Variants in FRMPD4 observed in about 807,000 individuals in gnomAD.
FRMPD4 encodes FERM and PDZ domain-containing protein 4.
In FRMPD4, 22 loss-of-function variants were observed where a neutral mutation model predicts 94.1. That is an observed-to-expected ratio of 0.23 (90% CI 0.17 to 0.33). The LOEUF (loss-of-function observed/expected upper bound fraction) is 0.33. FRMPD4 is among the 10% of genes least tolerant of loss of function. The pLI is 1.00. For missense variants in FRMPD4, 1,111 were observed against 1,339.9 expected, an observed-to-expected ratio of 0.83 and a Z score of 2.67; for synonymous variants, 631 against 548.6, an observed-to-expected ratio of 1.15 and a Z score of -2.10.
intron 12 of FRMPD4, among the ~76,000 whole-genome samples, chrX:12,707,234 G>C (rs7889027): frequency 0.081 from 9,020 of 111,406 alleles, 852 homozygotes; most frequent in African/African-American, 0.27. Context: ...TTTCTAAAAG[G>C]ATCTTATGAT....
At chrX:12,663,388 G>T (rs1236080582) in intron 4 of FRMPD4, among the ~76,000 whole-genome samples, 1 of 111,241 alleles carries the variant, frequency 9.0e-6, no homozygotes, top group Non-Finnish European at 1.9e-5. Flanking sequence ...TAAGGAAGGG[G>T]TATAGTTTCA....
chrX:12,556,391 A>G (rs1326062942), intron 2 of FRMPD4, among the ~76,000 whole-genome samples: 2 of 111,085 alleles, frequency 1.8e-5, no homozygotes, highest in Admixed American at 9.6e-5. Flanking sequence ...GCTGACCTCA[A>G]AGAAACAAAA....
intron 1 of FRMPD4, among the ~76,000 whole-genome samples, chrX:12,422,538 T>C (rs556163724): frequency 9.0e-6 from 1 of 111,730 alleles, no homozygotes; most frequent in African/African-American, 3.2e-5. Flanking sequence ...AATGAGATAA[T>C]GCAAATAAGG....
At chrX:12,006,448 G>T (rs934227386) in intron 3 of FRMPD4, among the ~76,000 whole-genome samples, 4 of 111,855 alleles carry the variant, frequency 3.6e-5, no homozygotes, top group Non-Finnish European at 3.8e-5. Context: ...ATTGCTTCAG[G>T]CTAAATAAAT....
At chrX:12,438,837 T>C (rs2057099956) in intron 1 of FRMPD4, among the ~76,000 whole-genome samples, 1 of 111,340 alleles carries the variant, frequency 9.0e-6, no homozygotes, top group African/African-American at 3.3e-5. Context: ...TTTTCTAAAC[T>C]GAAGGTGAAG....
chrX:12,045,984 C>A (rs2054782998), intron 3 of FRMPD4, among the ~76,000 whole-genome samples: 1 of 110,810 alleles, frequency 9.0e-6, no homozygotes, highest in African/African-American at 3.3e-5. Context: ...AGCTTTAAGT[C>A]AAAAATTATT....
chrX:12,678,715 C>CT (rs2059929127), intron 5 of FRMPD4, among the ~76,000 whole-genome samples: 1 of 112,222 alleles, frequency 8.9e-6, no homozygotes, highest in Non-Finnish European at 1.9e-5. Context: ...ATCCCAGCTA[C>CT]TAGGGAGGCT....
chrX:12,670,942 A>G (rs1256532350), intron 4 of FRMPD4, among the ~76,000 whole-genome samples: 2 of 112,671 alleles, frequency 1.8e-5, no homozygotes, highest in African/African-American at 6.5e-5. Flanking sequence ...ATGAACAAAC[A>G]CTTCTCAAAA....
At chrX:12,229,880 G>A (rs941073570) in intron 1 of FRMPD4, among the ~76,000 whole-genome samples, 2 of 111,999 alleles carry the variant, frequency 1.8e-5, no homozygotes, top group Non-Finnish European at 3.8e-5. Context: ...TTTCACTGTA[G>A]CACGTCTCCT....
intron 2 of FRMPD4, among the ~76,000 whole-genome samples, chrX:12,504,277 A>T (rs1246368721): frequency 2.7e-5 from 3 of 112,992 alleles, no homozygotes; most frequent in South Asian, 7.2e-4. Context: ...ATATGTTAGA[A>T]AACAGGCAGT....
At chrX:12,458,524 C>T (rs2057358778) in intron 1 of FRMPD4, among the ~76,000 whole-genome samples, 1 of 112,073 alleles carries the variant, frequency 8.9e-6, no homozygotes, top group Admixed American at 9.5e-5. Flanking sequence ...TCTGATGTCA[C>T]TTATGTGACT....
At chrX:12,175,272 A>T (rs756123198) in intron 1 of FRMPD4, among the ~76,000 whole-genome samples, 1 of 112,138 alleles carries the variant, frequency 8.9e-6, no homozygotes, top group South Asian at 3.7e-4. Context: ...ATAAATAAAA[A>T]TCTCTAGTAT....
At chrX:12,234,252 A>G (rs1418986525) in intron 1 of FRMPD4, among the ~76,000 whole-genome samples, 3 of 111,607 alleles carry the variant, frequency 2.7e-5, no homozygotes, top group Non-Finnish European at 5.6e-5. Flanking sequence ...ATTTTAATGT[A>G]ATGTTAATGG....
chrX:12,685,763 C>A (rs1334845000), intron 6 of FRMPD4, among the ~76,000 whole-genome samples: 1 of 112,070 alleles, frequency 8.9e-6, no homozygotes, highest in Non-Finnish European at 1.9e-5. Context: ...CATTGCTGGT[C>A]TTTTTTCTGC....
At chrX:12,049,870 T>TA (rs754737347) in intron 3 of FRMPD4, among the ~76,000 whole-genome samples, 62 of 110,978 alleles carry the variant, frequency 5.6e-4, no homozygotes, top group Admixed American at 1.2e-3. Context: ...TCATTTTTAA[T>TA]AAAAAAAGTT....
At chrX:11,919,971 C>A (rs773614414) in intron 3 of FRMPD4, among the ~76,000 whole-genome samples, 4 of 112,177 alleles carry the variant, frequency 3.6e-5, no homozygotes, top group Non-Finnish European at 7.5e-5. Context: ...GAGTAAATCT[C>A]TTTTTAGCTC....
chrX:12,108,938 C>A (rs1241863062), intron 3 of FRMPD4, among the ~76,000 whole-genome samples: 4 of 111,655 alleles, frequency 3.6e-5, no homozygotes, highest in Admixed American at 9.5e-5. Flanking sequence ...CCTTAGAGAT[C>A]TACAAAGAGA....
chrX:12,058,582 A>G (rs1393042004), intron 3 of FRMPD4, among the ~76,000 whole-genome samples: 1 of 111,774 alleles, frequency 8.9e-6, no homozygotes, highest in Non-Finnish European at 1.9e-5. Flanking sequence ...ACAAGTATAC[A>G]CACAAGTGTG....
chrX:12,183,684 C>T (rs1325064678), intron 1 of FRMPD4, among the ~76,000 whole-genome samples: 3 of 111,153 alleles, frequency 2.7e-5, no homozygotes, highest in African/African-American at 6.5e-5. Context: ...ATATAGCGAG[C>T]GTAATGGCTT....
Sources: gnomAD v4.1 joint callset for allele counts (sites outside exome capture counted in the v4.1 genomes callset) on GRCh38, gnomAD v4.1.1 for gene constraint, MANE v1.5 for transcripts, NCBI Gene and HGNC (gene_info 2026-07-23, HGNC 2026-07-21) for gene names.